Variants in ABCC1 observed in about 807,000 individuals in gnomAD.
ABCC1 encodes ATP binding cassette subfamily C member 1 (ABCC1 blood group).
Under a neutral mutation model 172.9 loss-of-function variants are expected in ABCC1, and 83 were observed. That is an observed-to-expected ratio of 0.48 (90% CI 0.40 to 0.58). The LOEUF is 0.58. ABCC1 is among the 20% of genes least tolerant of loss of function. ABCC1 has a pLI of 0.00. For missense variants in ABCC1, 1,817 were observed against 2,002.7 expected, an observed-to-expected ratio of 0.91 and a Z score of 1.77; for synonymous variants, 937 against 825.2, an observed-to-expected ratio of 1.14 and a Z score of -2.32.
In ABCC1 at chr16:16,136,951, A is replaced by G. The variant is rs551034005; in HGVS notation, c.4292+307A>G. On this transcript the variant is annotated intron_variant, in intron 29 of 30. Coordinates refer to ENST00000399410, the MANE Select transcript of ABCC1 (RefSeq NM_004996.4). Reference sequence around the variant, plus strand: ...AAGTCTTCTGTACCAGTTGGTCACTAGCACTGCTCTGAGCCCCCAGGTCCC... The same window carrying G: ...AAGTCTTCTGTACCAGTTGGTCACTGGCACTGCTCTGAGCCCCCAGGTCCC... Among the ~76,000 whole-genome samples the G allele has an allele frequency of 2.0e-5, 3 of 152,312 alleles. No individual in the cohort carries two copies. The East Asian group carries it at 5.8e-4, about 29-fold the overall frequency.
In ABCC1 at chr16:16,125,930, C is replaced by T; in HGVS notation, c.3819+19C>T. On this transcript the variant is annotated intron_variant, in intron 26 of 30. Coordinates refer to ENST00000399410, the MANE Select transcript of ABCC1 (RefSeq NM_004996.4). The stretch of plus-strand genomic sequence containing the variant: ...GAAGGAGGTAGGCAAGGGCCCCTGG[C>T]TGGACCTCTTGGTCTTTGGTGTAGC... The T allele has an allele frequency of 6.3e-7, 1 of 1,594,718 alleles. No homozygotes were observed. The highest frequency in any genetic ancestry group is 8.6e-7 in the Non-Finnish European group (1 of 1,163,152).
chr16:16,045,786 GC>G (rs2049180677), intron 8 of ABCC1, 49 bp from the exon 9 acceptor site: 1 of 1,581,794 alleles, frequency 6.3e-7, no homozygotes. Context: ...TCTCTTCCCT[GC>G]CCCCACGTGT....
intron 4 of ABCC1, 142 bp from the exon 5 acceptor site, chr16:16,016,354 A>G (rs1019150341): frequency 9.6e-7 from 1 of 1,044,660 alleles, no homozygotes; most frequent in African/African-American, 1.6e-5. Flanking sequence ...GGGTTTCACC[A>G]TGTTGACCAG....
intron 13 of ABCC1, among the ~76,000 whole-genome samples, chr16:16,069,210 A>AT (rs1596456558): frequency 6.3e-5 from 7 of 110,720 alleles, no homozygotes; most frequent in East Asian, 2.8e-4. Context: ...ATAAATAAAT[A>AT]AATATGTTTG....
intron 1 of ABCC1, among the ~76,000 whole-genome samples, chr16:15,954,201 A>C (rs2045937950): frequency 6.6e-6 from 1 of 151,678 alleles, no homozygotes; most frequent in Non-Finnish European, 1.5e-5. Flanking sequence ...AAAACTTTAC[A>C]AAACCCCCAT....
chr16:16,001,259 T>G (rs2047296617), intron 1 of ABCC1, among the ~76,000 whole-genome samples: 1 of 152,124 alleles, frequency 6.6e-6, no homozygotes, highest in South Asian at 2.1e-4. Context: ...TCGCCCAGGC[T>G]GGAGTGCAGT....
In ABCC1 at chr16:16,072,021, C is replaced by T. The variant is rs557087255; in HGVS notation, c.1912+292C>T. Among the ~76,000 whole-genome samples, 17 of 152,250 alleles carry T rather than the reference C, an allele frequency of 1.1e-4. No homozygotes were observed. The East Asian group carries it at 2.7e-3, about 24-fold the overall frequency. ...GCTTGAGGCTTCCCCGTGGGAGTCA[C>T]TTTCCAAGGCTTTGACCTTGATTCT... On this transcript the variant is annotated intron_variant, in intron 14 of 30. Coordinates refer to ENST00000399410, the MANE Select transcript of ABCC1 (RefSeq NM_004996.4).
At chr16:15,974,587 A>G (rs1440301185) in intron 1 of ABCC1, among the ~76,000 whole-genome samples, 2 of 152,176 alleles carry the variant, frequency 1.3e-5, no homozygotes, top group African/African-American at 4.8e-5. Flanking sequence ...GTTGATATGG[A>G]CATGCTGCGT....
At position 16,136,472 on chromosome 16, in the gene ABCC1, G is replaced by C. The variant is rs1476144571; in HGVS notation, c.4126-6G>C. 1.9e-6 allele frequency: 3 copies of C among 1,613,918 alleles called. No homozygotes were observed. Among genetic ancestry groups the C allele is most frequent in the Non-Finnish European group, 8.5e-7 (1 of 1,179,994 alleles). The stretch of plus-strand genomic sequence containing the variant: ...ACATGCCGTCCACTCTCTTCTCTCT[G>C]AACAGGACCCTGTTTTGTTTTCGGG... On this transcript the variant is annotated splice_region_variant and splice_polypyrimidine_tract_variant and intron_variant, in intron 28 of 30. Transcript: ENST00000399410.
Position 16,131,784 on chromosome 16 carries a change from C to T in ABCC1, c.3820-5C>T, listed in dbSNP as rs200786612. On this transcript the variant is annotated splice_polypyrimidine_tract_variant and splice_region_variant and intron_variant, in intron 26 of 30. Coordinates refer to ENST00000399410, the MANE Select transcript of ABCC1 (RefSeq NM_004996.4). ...CCTTACTCTCTCCCTTCACTGCGATCGAAGGCGCCCTGGCAAATCCAGGAG... is the reference window on the plus strand; with the variant it reads ...CCTTACTCTCTCCCTTCACTGCGATTGAAGGCGCCCTGGCAAATCCAGGAG... 7.1e-5 allele frequency: 114 copies of T among 1,612,588 alleles called. No homozygotes were observed. The highest frequency in any genetic ancestry group is 3.3e-4 in the Middle Eastern group (2 of 6,060).
intron 10 of ABCC1, 33 bp from the exon 11 acceptor site, chr16:16,052,691 G>T: frequency 2.7e-5 from 44 of 1,605,570 alleles, no homozygotes; most frequent in Non-Finnish European, 3.8e-5. Flanking sequence ...CTTCTGTCTG[G>T]TGAGTGATGA....
At chr16:15,953,213 G>T (rs1021256666) in intron 1 of ABCC1, among the ~76,000 whole-genome samples, 1 of 152,010 alleles carries the variant, frequency 6.6e-6, no homozygotes, top group Non-Finnish European at 1.5e-5. Flanking sequence ...ATTCACGCCT[G>T]TAATTCCAGC....
rs4148374 is a variant in ABCC1 at position 16,118,443 on chromosome 16, TTC to T, written c.3390+3368_3390+3369del. Among the ~76,000 whole-genome samples the T allele has an allele frequency of 9.0e-4, 122 of 135,328 alleles. 1 individual carries two copies. The highest frequency in any genetic ancestry group is 2.5e-3 in the African/African-American group (97 of 39,308). 88.8% of individuals were successfully genotyped at this position (135,328 alleles called of 152,430 possible). A position where few individuals can be genotyped will look rare whatever the true frequency, so the allele number is the denominator to read the frequency against. On this transcript the variant is annotated intron_variant, in intron 23 of 30. Coordinates refer to ENST00000399410, the MANE Select transcript of ABCC1 (RefSeq NM_004996.4). ...TGCCAGCTTTTTTTTTTTTTTTTTT[TTC>T]CCCTGCATTTACCAAATATGTTATC...
At chr16:16,057,180 TAAAA>T (rs34088403) in intron 12 of ABCC1, among the ~76,000 whole-genome samples, 1 of 96,922 alleles carries the variant, frequency 1.0e-5, no homozygotes, top group East Asian at 2.9e-4. Flanking sequence ...TGTTACTGCT[TAAAA>T]AAAAAAAAAA....
chr16:16,090,553 C>G lies in ABCC1; in HGVS notation c.2609C>G (p.Ala870Gly). 1 of 1,612,270 alleles carries G rather than the reference C, an allele frequency of 6.2e-7. No individual in the cohort carries two copies. Among genetic ancestry groups the G allele is most frequent in the Non-Finnish European group, 8.5e-7 (1 of 1,178,904 alleles). ...GAFAEFLRTY[A>G]STEQEQDAEE... is the part of the protein sequence containing the mutation. The stretch of plus-strand genomic sequence containing the variant: ...TTCGCTGAGTTCCTGCGTACCTATG[C>G]CAGCACAGAGCAGGAGCAGGATGCA... Residue 870 changes from alanine (A) to glycine (G), a missense_variant, in exon 19 of 31, where the codon GCC becomes GGC. Physicochemically the swap from Ala to Gly is moderately conservative, Grantham distance 60. This residue lies in a region of ABCC1 where 1,412 missense variants were observed against 1,600.3 expected (regional missense o/e 0.88). Coordinates refer to ENST00000399410, the MANE Select transcript of ABCC1 (RefSeq NM_004996.4).
At chr16:16,054,105 G>A (rs1464276293) in intron 11 of ABCC1, among the ~76,000 whole-genome samples, 1 of 151,970 alleles carries the variant, frequency 6.6e-6, no homozygotes, top group African/African-American at 2.4e-5. Flanking sequence ...CTCCCGAGCA[G>A]CTGGGATTAC....
At chr16:15,994,802 T>C (rs1339119778) in intron 1 of ABCC1, among the ~76,000 whole-genome samples, 4 of 151,486 alleles carry the variant, frequency 2.6e-5, no homozygotes, top group Non-Finnish European at 5.9e-5. Context: ...CTTGCTCTGT[T>C]GCCCAGGCTG....
rs1374452838 is a variant in ABCC1, at chr16:15,997,820, TTTTTTTTC to T, written c.49-9995_49-9988del. ...GCCTCGATACCTTTTTTTTTTTTTT[TTTTTTTTC>T]CCTGAGACAGAGTCTCGCTCTGTCA... On this transcript the variant is annotated intron_variant, in intron 1 of 30. Coordinates refer to ENST00000399410, the MANE Select transcript of ABCC1 (RefSeq NM_004996.4). 4.3e-4 allele frequency among the ~76,000 whole-genome samples: 60 copies of T among 139,200 alleles called. 1 individual carries two copies. The highest frequency in any genetic ancestry group is 1.5e-3 in the South Asian group (6 of 4,100). 91.3% of individuals were successfully genotyped at this position (139,200 alleles called of 152,430 possible).
At chr16:16,078,269 A>T (rs1224995495) in intron 15 of ABCC1, among the ~76,000 whole-genome samples, 3 of 152,176 alleles carry the variant, frequency 2.0e-5, no homozygotes, top group Non-Finnish European at 4.4e-5. Flanking sequence ...CTTCCCTGGG[A>T]GGATGGAAAC....
Sources: gnomAD v4.1 joint callset for allele counts (sites outside exome capture counted in the v4.1 genomes callset) on GRCh38, gnomAD v4.1.1 for gene constraint, gnomAD v4.1.1 regional missense constraint, MANE v1.5 for transcripts, NCBI Gene and HGNC (gene_info 2026-07-23, HGNC 2026-07-21) for gene names.